RORA: variants seen among roughly 807,000 people sequenced by gnomAD.
RORA encodes nuclear receptor ROR-alpha.
RORA carries 7 observed loss-of-function variants against 69.5 expected under a neutral mutation model. That is an observed-to-expected ratio of 0.10 (90% CI 0.06 to 0.19). The LOEUF (loss-of-function observed/expected upper bound fraction) is 0.19. RORA is among the 10% of genes least tolerant of loss of function. RORA has a pLI of 1.00. For synonymous variants in RORA, 261 were observed against 240.8 expected (o/e 1.08, Z -0.78); for missense variants, 457 against 663.0 (o/e 0.69, Z 3.41).
chr15:60,814,335 A>G (rs1206623383), intron 1 of RORA, among the ~76,000 whole-genome samples: 1 of 152,116 alleles, frequency 6.6e-6, no homozygotes, highest in African/African-American at 2.4e-5. Context: ...TATGCTAAGG[A>G]TGCTGATTTT....
intron 1 of RORA, among the ~76,000 whole-genome samples, chr15:60,890,922 G>A (rs1388598969): frequency 6.6e-6 from 1 of 152,156 alleles, no homozygotes; most frequent in Non-Finnish European, 1.5e-5. Context: ...ATAGTGGGAC[G>A]AGAAAGCTTT....
chr15:60,811,969 T>TAGA (rs950932198), intron 1 of RORA, among the ~76,000 whole-genome samples: 1 of 152,206 alleles, frequency 6.6e-6, no homozygotes, highest in African/African-American at 2.4e-5. Flanking sequence ...CAAAGTTTTC[T>TAGA]AATTATTAAA....
chr15:61,097,809 C>T (rs1158304126), intron 1 of RORA, among the ~76,000 whole-genome samples: 1 of 152,148 alleles, frequency 6.6e-6, no homozygotes, highest in Non-Finnish European at 1.5e-5. Context: ...TCTTCATTCC[C>T]AATGTACCAT....
chr15:60,680,904 A>G (rs2070632837), intron 1 of RORA, among the ~76,000 whole-genome samples: 1 of 152,198 alleles, frequency 6.6e-6, no homozygotes, highest in Non-Finnish European at 1.5e-5. Flanking sequence ...CTGACACAAG[A>G]GCAATATTTG....
At chr15:60,875,797 C>T (rs1287257713) in intron 1 of RORA, among the ~76,000 whole-genome samples, 1 of 152,148 alleles carries the variant, frequency 6.6e-6, no homozygotes, top group Non-Finnish European at 1.5e-5. Context: ...AAGCCAATCC[C>T]TCTAGATATG....
intron 1 of RORA, among the ~76,000 whole-genome samples, chr15:60,907,739 C>CAG (rs1421692592): frequency 6.6e-6 from 1 of 152,162 alleles, no homozygotes; most frequent in African/African-American, 2.4e-5. Flanking sequence ...CTGCCACTCC[C>CAG]AGAGCCAACA....
chr15:60,574,643 T>C (rs2067975799), intron 2 of RORA, among the ~76,000 whole-genome samples: 1 of 152,370 alleles, frequency 6.6e-6, no homozygotes, highest in East Asian at 1.9e-4. Flanking sequence ...GTGCCTGCCA[T>C]ATGCTAAGTG....
intron 2 of RORA, among the ~76,000 whole-genome samples, chr15:60,618,162 C>T (rs2069306289): frequency 6.6e-6 from 1 of 152,184 alleles, no homozygotes; most frequent in Non-Finnish European, 1.5e-5. Context: ...GTTTTCTTCT[C>T]CTGTGTTGCT....
At chr15:60,760,246 T>G (rs2071866953) in intron 1 of RORA, among the ~76,000 whole-genome samples, 1 of 152,188 alleles carries the variant, frequency 6.6e-6, no homozygotes, top group South Asian at 2.1e-4. Context: ...AGAGGATGAA[T>G]GTGGGCTAAA....
chr15:61,164,762 G>A (rs2140887048), intron 1 of RORA, among the ~76,000 whole-genome samples: 1 of 152,286 alleles, frequency 6.6e-6, no homozygotes, highest in East Asian at 1.9e-4. Context: ...ACTGTTAAGG[G>A]CTAAAGAGAT....
At chr15:61,000,317 ACTGGACATTTTAAGGC>A (rs1357209338) in intron 1 of RORA, among the ~76,000 whole-genome samples, 1 of 152,254 alleles carries the variant, frequency 6.6e-6, no homozygotes, top group Non-Finnish European at 1.5e-5. Flanking sequence ...CCTAAGATTA[ACTGGACATTTTAAGGC>A]CTGGGAACAG....
intron 1 of RORA, among the ~76,000 whole-genome samples, chr15:61,204,038 G>A (rs1319477720): frequency 2.0e-5 from 3 of 152,212 alleles, no homozygotes; most frequent in African/African-American, 7.2e-5. Flanking sequence ...GTGCCAGCCT[G>A]GGCAAGGAAC....
intron 1 of RORA, among the ~76,000 whole-genome samples, chr15:61,170,436 C>T (rs2079575266): frequency 6.6e-6 from 1 of 152,194 alleles, no homozygotes; most frequent in Non-Finnish European, 1.5e-5. Flanking sequence ...CACTCTGACT[C>T]TCCTGCCCGC....
At chr15:61,056,184 C>A (rs913217117) in intron 1 of RORA, among the ~76,000 whole-genome samples, 1 of 152,084 alleles carries the variant, frequency 6.6e-6, no homozygotes, top group Non-Finnish European at 1.5e-5. Context: ...AGTGAGCACC[C>A]GTTTTGGAGT....
At chr15:60,974,436 T>C (rs1893818562) in intron 1 of RORA, among the ~76,000 whole-genome samples, 1 of 152,182 alleles carries the variant, frequency 6.6e-6, no homozygotes, top group Non-Finnish European at 1.5e-5. Context: ...ATTTCTCCCC[T>C]TCACACAGCC....
chr15:60,948,191 ATGGG>A (rs1892959399), intron 1 of RORA, among the ~76,000 whole-genome samples: 1 of 152,110 alleles, frequency 6.6e-6, no homozygotes, highest in Non-Finnish European at 1.5e-5. Flanking sequence ...CAGAGGATGG[ATGGG>A]GACAAAACTA....
At chr15:61,218,640 T>A (rs1271557021) in intron 1 of RORA, among the ~76,000 whole-genome samples, 1 of 151,314 alleles carries the variant, frequency 6.6e-6, no homozygotes, top group African/African-American at 2.4e-5. Context: ...ATCATTTTGG[T>A]ATTCGTGGGT....
At chr15:61,111,828 T>C (rs1426956557) in intron 1 of RORA, among the ~76,000 whole-genome samples, 3 of 152,264 alleles carry the variant, frequency 2.0e-5, no homozygotes, top group Non-Finnish European at 2.9e-5. Flanking sequence ...ATGCTATTCA[T>C]TAAGAAAATT....
At chr15:60,578,781 T>TTTTTTTTTTTA (rs1204703774) in intron 2 of RORA, among the ~76,000 whole-genome samples, 2 of 151,570 alleles carry the variant, frequency 1.3e-5, no homozygotes, top group African/African-American at 4.8e-5. Flanking sequence ...TTTTTTTTTT[T>TTTTTTTTTTTA]GAGACAGAGT....
Sources: allele counts gnomAD v4.1 joint callset (sites outside exome capture counted in the v4.1 genomes callset), GRCh38; gene constraint gnomAD v4.1.1; transcripts MANE v1.5; gene names NCBI Gene and HGNC (gene_info 2026-07-23, HGNC 2026-07-21).